DOCK4: variants seen among roughly 807,000 people sequenced by gnomAD.
DOCK4 encodes dedicator of cytokinesis 4, also known as dedicator of cytokinesis protein 4.
Under a neutral mutation model 268.1 loss-of-function variants are expected in DOCK4, and 97 were observed. The ratio of observed to expected loss-of-function variants is 0.36; its 90% CI spans 0.31 to 0.43. DOCK4 has a LOEUF of 0.43. DOCK4 is among the 20% of genes least tolerant of loss of function. The probability of loss-of-function intolerance (pLI) is 1.00; values close to 1 mark genes in which losing one functional copy is unlikely to be tolerated. For missense variants in DOCK4, 2,145 were observed against 2,455.7 expected (o/e 0.87, Z 2.67); for synonymous variants, 954 against 887.2 (o/e 1.08, Z -1.34).
At chr7:111,856,058 C>T (rs543397360) in intron 23 of DOCK4, among the ~76,000 whole-genome samples, 63 of 152,234 alleles carry the variant, frequency 4.1e-4, no homozygotes, top group African/African-American at 1.3e-3. Flanking sequence ...GCTCTGAGCA[C>T]GGGGAGACAG....
chr7:111,984,947 T>C (rs1411911152), intron 6 of DOCK4, among the ~76,000 whole-genome samples: 3 of 152,158 alleles, frequency 2.0e-5, no homozygotes, highest in Non-Finnish European at 4.4e-5. Context: ...GAAATGGAAA[T>C]GGGGGAAGAG....
At chr7:112,132,468 A>T (rs1227598004) in intron 1 of DOCK4, among the ~76,000 whole-genome samples, 3 of 152,212 alleles carry the variant, frequency 2.0e-5, no homozygotes, top group African/African-American at 7.2e-5. Flanking sequence ...AATGTTAAAA[A>T]TAGCATCAAC....
intron 1 of DOCK4, among the ~76,000 whole-genome samples, chr7:112,052,763 G>A (rs1018100187): frequency 6.6e-6 from 1 of 151,928 alleles, no homozygotes; most frequent in Admixed American, 6.6e-5. Flanking sequence ...CCTTTGATAT[G>A]TCTCTGCATT....
At position 111,989,097 on chromosome 7, in the gene DOCK4, G is replaced by A. The variant is rs781585670; in HGVS notation, c.382C>T (p.Gln128Ter). 6.2e-7 allele frequency: 1 copy of A among 1,614,044 alleles called. No individual in the cohort carries two copies. The highest frequency in any genetic ancestry group is 1.1e-5 in the South Asian group (1 of 91,078). The part of the protein sequence containing the change: ...IMNEILDLRR[Q>*]VLVGHLTHDR... ...TGGGTGAGGTGGCCCACCAGCACCT[G>A]CCGCCTCAGGTCCAGGATTTCATTC... Residue 128 changes from glutamine (Q) to a stop codon, truncating the protein, a stop_gained, in exon 6 of 53, where the codon CAG (glutamine) becomes TAG (stop). Coordinates refer to ENST00000428084, the MANE Select transcript of DOCK4 (RefSeq NM_001363540.2). LOFTEE classifies it high-confidence loss of function.
At chr7:111,908,473 T>C (rs1791800766) in intron 13 of DOCK4, among the ~76,000 whole-genome samples, 1 of 151,658 alleles carries the variant, frequency 6.6e-6, no homozygotes, top group East Asian at 1.9e-4. Context: ...ATAATAATAA[T>C]AATAATAATG....
At chr7:111,880,055 A>C (rs2134282046) in intron 16 of DOCK4, among the ~76,000 whole-genome samples, 1 of 152,326 alleles carries the variant, frequency 6.6e-6, no homozygotes, top group African/African-American at 2.4e-5. Flanking sequence ...ACCTAGAGAA[A>C]GATATCAGCA....
intron 13 of DOCK4, among the ~76,000 whole-genome samples, chr7:111,905,791 T>C (rs977591632): frequency 6.6e-6 from 1 of 152,150 alleles, no homozygotes; most frequent in Non-Finnish European, 1.5e-5. Context: ...TCCTGTCCTT[T>C]AGTTTTTTTA....
At chr7:112,101,025 G>A (rs527242668) in intron 1 of DOCK4, among the ~76,000 whole-genome samples, 1 of 152,140 alleles carries the variant, frequency 6.6e-6, no homozygotes, top group Admixed American at 6.5e-5. Flanking sequence ...TCTATTGTAA[G>A]AGTCTCCTAG....
intron 1 of DOCK4, among the ~76,000 whole-genome samples, chr7:112,145,521 G>C (rs980145152): frequency 2.6e-5 from 4 of 152,176 alleles, no homozygotes; most frequent in Admixed American, 2.6e-4. Flanking sequence ...ATTCTTCCCA[G>C]TTTACAGTGC....
intron 1 of DOCK4, among the ~76,000 whole-genome samples, chr7:112,128,705 G>T (rs908724169): frequency 1.3e-5 from 2 of 152,048 alleles, no homozygotes; most frequent in Non-Finnish European, 2.9e-5. Context: ...TTAAACAGAT[G>T]CTTGAAGGCA....
At chr7:111,750,539 C>T (rs969007045) in intron 42 of DOCK4, among the ~76,000 whole-genome samples, 1 of 152,246 alleles carries the variant, frequency 6.6e-6, no homozygotes, top group African/African-American at 2.4e-5. Context: ...ACCCTGTGAA[C>T]CTCAGGGACT....
chr7:112,043,529 G>A (rs1050101839), intron 1 of DOCK4, among the ~76,000 whole-genome samples: 8 of 150,602 alleles, frequency 5.3e-5, no homozygotes, highest in African/African-American at 2.0e-4. Context: ...AGCTATTAAT[G>A]GAGAGAATGA....
Position 112,039,479 on chromosome 7 carries a change from CTGT to C in DOCK4, c.38-35351_38-35349del, listed in dbSNP as rs1053157891. On this transcript the variant is annotated intron_variant, in intron 1 of 52. Transcript: ENST00000428084. ...GAAGTCTTCTGTTTTTTTGTTGTTG[CTGT>C]TGTTGTTGTTTTTATACATTATACT... Among the ~76,000 whole-genome samples the C allele has an allele frequency of 2.7e-5, 4 of 150,438 alleles. No individual in the cohort carries two copies. In the South Asian group the frequency reaches 6.3e-4, roughly 24 times the overall value.
At chr7:111,739,015 G>A in intron 49 of DOCK4, 119 bp downstream of exon 49, 1 of 735,340 alleles carries the variant, frequency 1.4e-6, no homozygotes, top group Non-Finnish European at 2.3e-6. Context: ...TCACCAGCTG[G>A]ATTGGTCTGA....
intron 38 of DOCK4, 100 bp from the exon 39 acceptor site, chr7:111,765,322 T>C: frequency 1.4e-6 from 1 of 737,070 alleles, no homozygotes; most frequent in South Asian, 1.9e-5. Context: ...AGAACTTTAT[T>C]TTAATTGAGT....
At chr7:112,000,111 C>T (rs1012365576) in intron 3 of DOCK4, among the ~76,000 whole-genome samples, 1 of 151,924 alleles carries the variant, frequency 6.6e-6, no homozygotes, top group East Asian at 1.9e-4. Context: ...TTCTCCATAC[C>T]GATATTTTAC....
intron 25 of DOCK4, among the ~76,000 whole-genome samples, chr7:111,837,134 GA>G (rs139239164): frequency 0.011 from 1,651 of 150,262 alleles, 34 homozygotes; most frequent in African/African-American, 0.038. Flanking sequence ...ACACTATTCA[GA>G]AAAAAAAGGG....
At chr7:111,805,967 G>T (rs1216356944) in intron 30 of DOCK4, among the ~76,000 whole-genome samples, 10 of 152,160 alleles carry the variant, frequency 6.6e-5, no homozygotes, top group Non-Finnish European at 1.5e-4. Flanking sequence ...TGATGATGTT[G>T]TCTTTGTCAA....
At chr7:111,936,902 G>A (rs570912278) in intron 11 of DOCK4, among the ~76,000 whole-genome samples, 74 of 152,216 alleles carry the variant, frequency 4.9e-4, no homozygotes, top group African/African-American at 1.6e-3. Flanking sequence ...CTAAATGAGC[G>A]CCGAATCTTA....
Sources: allele counts gnomAD v4.1 joint callset (sites outside exome capture counted in the v4.1 genomes callset), GRCh38; gene constraint gnomAD v4.1.1; transcripts MANE v1.5; gene names NCBI Gene and HGNC (gene_info 2026-07-23, HGNC 2026-07-21).